Variants in GMDS observed in about 807,000 individuals in gnomAD.
The protein encoded by GMDS is GDP-mannose 4,6 dehydratase.
In GMDS, 20 loss-of-function variants were observed where a neutral mutation model predicts 49.9. The ratio of observed to expected loss-of-function variants is 0.40; its 90% CI spans 0.28 to 0.58. GMDS has a LOEUF of 0.58. Ranked by LOEUF, GMDS falls within the 20% of genes least tolerant of loss-of-function variation. The probability of loss-of-function intolerance (pLI) is 0.42; values close to 1 mark genes in which losing one functional copy is unlikely to be tolerated. For synonymous variants in GMDS, 177 were observed against 178.6 expected (o/e 0.99, Z 0.07); for missense variants, 362 against 481.4 (o/e 0.75, Z 2.32).
chr6:1,797,315 G>A (rs868521356), intron 7 of GMDS, among the ~76,000 whole-genome samples: 7 of 152,208 alleles, frequency 4.6e-5, no homozygotes, highest in South Asian at 4.2e-4. Context: ...TGTTATAGCT[G>A]GCCTGCTATA....
chr6:2,117,378 C>CA, intron 3 of GMDS, 91 bp downstream of exon 3: 3 of 798,132 alleles, frequency 3.8e-6, no homozygotes, highest in South Asian at 2.9e-5. Context: ...TGGGCTTTGA[C>CA]AAAAATGACA....
chr6:1,641,430 T>C (rs1200462684), intron 9 of GMDS, among the ~76,000 whole-genome samples: 1 of 152,246 alleles, frequency 6.6e-6, no homozygotes. Flanking sequence ...CTTTATCTTC[T>C]TCCTGTCAAA....
At chr6:2,022,742 G>A (rs554532960) in intron 4 of GMDS, among the ~76,000 whole-genome samples, 2 of 152,254 alleles carry the variant, frequency 1.3e-5, no homozygotes, top group African/African-American at 4.8e-5. Context: ...CAGGAAAAGA[G>A]CATTCCCAAA....
chr6:1,750,616 T>C (rs2113518728), intron 7 of GMDS, among the ~76,000 whole-genome samples: 1 of 152,238 alleles, frequency 6.6e-6, no homozygotes, highest in East Asian at 1.9e-4. Context: ...CGGGTGCCTA[T>C]ACCACCAGGG....
chr6:2,061,170 A>G (rs2127447441), intron 4 of GMDS, among the ~76,000 whole-genome samples: 1 of 152,272 alleles, frequency 6.6e-6, no homozygotes, highest in East Asian at 1.9e-4. Context: ...ACCCGAGGTC[A>G]TAGAGGAAAA....
intron 6 of GMDS, among the ~76,000 whole-genome samples, chr6:1,936,224 A>C (rs528594668): frequency 8.3e-4 from 127 of 152,330 alleles, no homozygotes; most frequent in African/African-American, 3.0e-3. Flanking sequence ...TAAGAATAAA[A>C]TATCATGCTA....
chr6:1,976,211 A>G (rs145176305), intron 4 of GMDS, among the ~76,000 whole-genome samples: 2 of 152,356 alleles, frequency 1.3e-5, no homozygotes, highest in East Asian at 3.9e-4. Flanking sequence ...TTTAAGTCTG[A>G]TTAAATTAAT....
chr6:2,167,243 G>A (rs1303481334), intron 1 of GMDS, among the ~76,000 whole-genome samples: 1 of 152,176 alleles, frequency 6.6e-6, no homozygotes, highest in Non-Finnish European at 1.5e-5. Context: ...AAGGCAAAAT[G>A]GGAAAGTCAT....
intron 7 of GMDS, among the ~76,000 whole-genome samples, chr6:1,869,610 G>A (rs960518832): frequency 1.3e-5 from 2 of 152,158 alleles, no homozygotes; most frequent in African/African-American, 4.8e-5. Context: ...TTCTGACAAT[G>A]GTTAGAAATA....
chr6:1,846,580 A>C (rs773056998), intron 7 of GMDS, among the ~76,000 whole-genome samples: 1 of 152,242 alleles, frequency 6.6e-6, no homozygotes, highest in Non-Finnish European at 1.5e-5. Flanking sequence ...ACGATATGGA[A>C]GCCATGGGAA....
chr6:2,125,719 T>C (rs6909588), intron 1 of GMDS, among the ~76,000 whole-genome samples: 17,590 of 151,994 alleles, frequency 0.12, 3,078 homozygotes, highest in African/African-American at 0.38. Flanking sequence ...GCCAGGGGGA[T>C]GTGGAGGAAG....
At chr6:2,049,870 T>G (rs371464037) in intron 4 of GMDS, among the ~76,000 whole-genome samples, 6 of 152,168 alleles carry the variant, frequency 3.9e-5, no homozygotes, top group Non-Finnish European at 8.8e-5. Flanking sequence ...CTGGGACACA[T>G]GTAAAGCAGT....
intron 6 of GMDS, among the ~76,000 whole-genome samples, chr6:1,936,562 C>T (rs1265637120): frequency 2.0e-5 from 3 of 152,194 alleles, no homozygotes; most frequent in Non-Finnish European, 4.4e-5. Flanking sequence ...CCACCTGCCC[C>T]TTTTCCAACA....
At chr6:1,720,913 A>C (rs1232075954) in intron 9 of GMDS, among the ~76,000 whole-genome samples, 12 of 152,112 alleles carry the variant, frequency 7.9e-5, no homozygotes, top group Non-Finnish European at 1.5e-5. Flanking sequence ...AAGTGTGAGA[A>C]GGTGGTGAGA....
intron 1 of GMDS, among the ~76,000 whole-genome samples, chr6:2,170,580 C>T (rs1368022509): frequency 6.6e-6 from 1 of 151,382 alleles, no homozygotes; most frequent in Admixed American, 6.6e-5. Context: ...TGGGCTATGA[C>T]TGCACCACTG....
At chr6:1,697,817 C>G (rs759987808) in intron 9 of GMDS, among the ~76,000 whole-genome samples, 13 of 152,178 alleles carry the variant, frequency 8.5e-5, no homozygotes, top group Non-Finnish European at 1.6e-4. Context: ...TGCAAGCTCA[C>G]GAGAGGAAGC....
chr6:1,655,590 G>A lies in GMDS; in HGVS notation c.988-31050C>T, dbSNP rs542613987. ...AGTGCAGTGGCTCTCTGCAGCCTCC[G>A]CCTCCCAGGTTCAAACAATTCTCCC... On this transcript the variant is annotated intron_variant, in intron 9 of 10. Coordinates refer to ENST00000380815, the MANE Select transcript of GMDS (RefSeq NM_001500.4). 9.6e-4 allele frequency among the ~76,000 whole-genome samples: 144 copies of A among 149,954 alleles called. 2 individuals carry two copies. The highest frequency in any genetic ancestry group is 3.4e-3 in the Middle Eastern group (1 of 292).
At chr6:2,035,481 ACTTT>A (rs781707120) in intron 4 of GMDS, among the ~76,000 whole-genome samples, 47 of 152,082 alleles carry the variant, frequency 3.1e-4, no homozygotes, top group Non-Finnish European at 5.7e-4. Flanking sequence ...AATGGCACTT[ACTTT>A]CTATTTGGCA....
intron 7 of GMDS, among the ~76,000 whole-genome samples, chr6:1,924,609 T>C (rs545829345): frequency 1.3e-4 from 20 of 152,282 alleles, no homozygotes; most frequent in African/African-American, 3.1e-4. Flanking sequence ...TGGGATCTCA[T>C]TGGGACCATA....
Sources: gnomAD v4.1 joint callset for allele counts (sites outside exome capture counted in the v4.1 genomes callset) on GRCh38, gnomAD v4.1.1 for gene constraint, MANE v1.5 for transcripts, NCBI Gene and HGNC (gene_info 2026-07-23, HGNC 2026-07-21) for gene names.